Variants in RELN observed in about 807,000 individuals in gnomAD.
RELN encodes reelin.
RELN carries 108 observed loss-of-function variants against 427.6 expected under a neutral mutation model. The ratio of observed to expected loss-of-function variants is 0.25; its 90% CI spans 0.22 to 0.30. RELN has a LOEUF of 0.30. RELN is among the 10% of genes least tolerant of loss of function. The pLI, the probability that RELN is intolerant of heterozygous loss-of-function variation, is 1.00. For missense variants in RELN, 3,715 were observed against 4,302.8 expected (o/e 0.86, Z 3.82); for synonymous variants, 1,524 against 1,513.4 (o/e 1.01, Z -0.16).
In RELN at chr7:103,626,594, C is replaced by T. The variant is rs1237145257; in HGVS notation, c.2702+3346G>A. Among the ~76,000 whole-genome samples, 2 of 152,188 alleles carry T rather than the reference C, an allele frequency of 1.3e-5. No individual in the cohort carries two copies. The highest frequency in any genetic ancestry group is 6.5e-5 in the Admixed American group (1 of 15,278). On this transcript the variant is annotated intron_variant, in intron 20 of 64. Coordinates refer to ENST00000428762, the MANE Select transcript of RELN (RefSeq NM_005045.4). The surrounding 1 kb of genome is among the most constrained non-coding windows in gnomAD (Gnocchi z 4.4). ...TTTGAATTCCTGGCCTCAGGTGATC[C>T]GCCCACCTTGGCCTCCAAAGTGCAC...
rs1367957794 is a variant in RELN at position 103,539,286 on chromosome 7, T to C, written c.6972A>G (p.Glu2324=). The change falls in exon 45 of 65, where the codon GAA becomes GAG. Residue 2324 remains glutamate, a synonymous_variant. Transcript: ENST00000428762. The part of the protein sequence containing the change: ...GGNISGNTVL[E]DDFTTLDSRK... ...TACTATCAAGGGTTGTGAAATCATC[T>C]TCCAAGACCGTATTACCAGAAATAT... 1.2e-6 allele frequency: 2 copies of C among 1,614,082 alleles called. No individual in the cohort carries two copies. The highest frequency in any genetic ancestry group is 1.7e-6 in the Non-Finnish European group (2 of 1,180,004).
intron 51 of RELN, among the ~76,000 whole-genome samples, chr7:103,508,535 C>T (rs1829292438): frequency 6.6e-6 from 1 of 152,144 alleles, no homozygotes; most frequent in Non-Finnish European, 1.5e-5. Flanking sequence ...AAATCCACAG[C>T]CAATATCATA....
At chr7:103,579,494 G>A (rs1831078943) in intron 28 of RELN, among the ~76,000 whole-genome samples, 1 of 151,350 alleles carries the variant, frequency 6.6e-6, no homozygotes, top group African/African-American at 2.4e-5. Context: ...AGCTACTCGG[G>A]AAGCTGAGGT....
intron 3 of RELN, among the ~76,000 whole-genome samples, chr7:103,817,250 A>G (rs1196828921): frequency 6.6e-6 from 1 of 152,240 alleles, no homozygotes; most frequent in East Asian, 1.9e-4. Context: ...ACATCAAGTT[A>G]GCATTTCACT....
chr7:103,783,164 C>G (rs67948318), intron 3 of RELN, among the ~76,000 whole-genome samples: 2 of 109,328 alleles, frequency 1.8e-5, no homozygotes, highest in Non-Finnish European at 4.1e-5. Context: ...CTCTTTCTTT[C>G]TTTTTTTTTT....
chr7:103,622,264 T>C (rs12668066), intron 20 of RELN, among the ~76,000 whole-genome samples: 16,836 of 152,220 alleles, frequency 0.11, 1,000 homozygotes, highest in South Asian at 0.17. Context: ...GCATAAGTTT[T>C]AGAATATGGC....
At chr7:103,906,613 T>A (rs537835936) in intron 2 of RELN, among the ~76,000 whole-genome samples, 1 of 152,256 alleles carries the variant, frequency 6.6e-6, no homozygotes, top group African/African-American at 2.4e-5. Context: ...CTCCTGAATG[T>A]TTACTTGTTC....
At chr7:103,847,376 C>T (rs1267365974) in intron 2 of RELN, among the ~76,000 whole-genome samples, 10 of 151,998 alleles carry the variant, frequency 6.6e-5, no homozygotes, top group South Asian at 2.1e-4. Context: ...TGAGAACACA[C>T]GGACACAGGG....
intron 22 of RELN, among the ~76,000 whole-genome samples, chr7:103,605,630 A>T (rs1367704228): frequency 6.6e-6 from 1 of 152,222 alleles, no homozygotes; most frequent in Non-Finnish European, 1.5e-5. Context: ...GAAACAAAAC[A>T]TGATTTGCAA....
chr7:103,716,839 G>C (rs932336544), intron 8 of RELN, among the ~76,000 whole-genome samples: 13 of 152,172 alleles, frequency 8.5e-5, no homozygotes, highest in Admixed American at 3.3e-4. Flanking sequence ...AGAGCAAGTG[G>C]GGTTTCAGAG....
At chr7:103,745,392 C>T (rs948632144) in intron 6 of RELN, among the ~76,000 whole-genome samples, 1 of 151,614 alleles carries the variant, frequency 6.6e-6, no homozygotes, top group African/African-American at 2.4e-5. Flanking sequence ...TCCTATTCAA[C>T]ATGGTGTTGG....
At chr7:103,860,239 T>A (rs1019223653) in intron 2 of RELN, among the ~76,000 whole-genome samples, 1 of 152,228 alleles carries the variant, frequency 6.6e-6, no homozygotes, top group African/African-American at 2.4e-5. Flanking sequence ...ATATTCATCA[T>A]ATCATGAATT....
At position 103,635,356 on chromosome 7, in the gene RELN, T is replaced by C. The variant is rs362646; in HGVS notation, c.2465+69A>G. 813,959 of 1,535,172 alleles carry C rather than the reference T, an allele frequency of 0.53. 217,976 individuals are homozygous for C. The highest frequency in any genetic ancestry group is 0.55 in the Middle Eastern group (2,715 of 4,924). ...GAAAAATATCTAGAATTTTATACCATTTGAATTATGATTTCCCCAGGAGAA... is the reference window on the plus strand; with the variant it reads ...GAAAAATATCTAGAATTTTATACCACTTGAATTATGATTTCCCCAGGAGAA... On this transcript the variant is annotated intron_variant, in intron 19 of 64. Transcript: ENST00000428762.
At chr7:103,577,686 T>C (rs1831035581) in intron 28 of RELN, among the ~76,000 whole-genome samples, 1 of 152,166 alleles carries the variant, frequency 6.6e-6, no homozygotes, top group African/African-American at 2.4e-5. Flanking sequence ...ATGGAATTAA[T>C]GTACACCAGC....
chr7:103,822,418 T>C (rs2116375394), intron 3 of RELN, among the ~76,000 whole-genome samples: 1 of 152,168 alleles, frequency 6.6e-6, no homozygotes, highest in East Asian at 1.9e-4. Flanking sequence ...AAATTATTGA[T>C]AAAATTTTGT....
intron 49 of RELN, among the ~76,000 whole-genome samples, chr7:103,517,761 G>A (rs1056320659): frequency 6.6e-6 from 1 of 152,148 alleles, no homozygotes. Flanking sequence ...TTTGCTTGTG[G>A]CAAAAACTGC....
At chr7:103,585,434 T>C (rs1025566582) in intron 28 of RELN, among the ~76,000 whole-genome samples, 11 of 152,086 alleles carry the variant, frequency 7.2e-5, no homozygotes, top group African/African-American at 2.7e-4. Flanking sequence ...TCTCTATGTA[T>C]ACAAACTAGA....
chr7:103,876,210 A>G (rs1178691328), intron 2 of RELN, among the ~76,000 whole-genome samples: 1 of 152,170 alleles, frequency 6.6e-6, no homozygotes, highest in Admixed American at 6.6e-5. Context: ...TTATTAAGGA[A>G]TTCAATTAAG....
intron 20 of RELN, chr7:103,628,286 A>C (rs1832372531): frequency 6.6e-6 from 1 of 152,210 alleles, no homozygotes; most frequent in Admixed American, 6.5e-5. Flanking sequence ...ATCAAATAGA[A>C]AATGTGTCGT....
Sources: allele counts gnomAD v4.1 joint callset (sites outside exome capture counted in the v4.1 genomes callset), GRCh38; gene constraint gnomAD v4.1.1; non-coding constraint Gnocchi (gnomAD v3.1); transcripts MANE v1.5; gene names NCBI Gene and HGNC (gene_info 2026-07-23, HGNC 2026-07-21).